The following GRIK1 variants were observed in gnomAD, a reference collection of about 807,000 sequenced individuals.
The protein encoded by GRIK1 is glutamate ionotropic receptor kainate type subunit 1, also known as glutamate receptor ionotropic, kainate 1.
In GRIK1, 69 loss-of-function variants were observed where a neutral mutation model predicts 105.7. The ratio of observed to expected loss-of-function variants is 0.65; its 90% CI spans 0.54 to 0.80. GRIK1 has a LOEUF of 0.80. Among genes scored for constraint, GRIK1 ranks in the 30% least tolerant of loss-of-function variants. The pLI, the probability that GRIK1 is intolerant of heterozygous loss-of-function variation, is 0.00. For synonymous variants in GRIK1, 438 were observed against 431.3 expected, an observed-to-expected ratio of 1.02 and a Z score of -0.19; for missense variants, 1,109 against 1,167.3, an observed-to-expected ratio of 0.95 and a Z score of 0.73.
chr21:29,846,255 G>A (rs1432313054), intron 1 of GRIK1, among the ~76,000 whole-genome samples: 5 of 151,918 alleles, frequency 3.3e-5, no homozygotes, highest in South Asian at 2.1e-4. Context: ...CGGGCGCGTG[G>A]CGCATGCCTG....
intron 1 of GRIK1, among the ~76,000 whole-genome samples, chr21:29,858,214 A>C (rs1216707681): frequency 6.6e-6 from 1 of 152,108 alleles, no homozygotes; most frequent in African/African-American, 2.4e-5. Context: ...TTCAATTTTT[A>C]GAGAAAATAA....
chr21:29,772,797 C>T (rs994890198), intron 1 of GRIK1, among the ~76,000 whole-genome samples: 1 of 152,250 alleles, frequency 6.6e-6, no homozygotes, highest in African/African-American at 2.4e-5. Context: ...TTTTCTTCAC[C>T]ACTTAATGGT....
chr21:29,921,208 GA>G (rs10715744), intron 1 of GRIK1, among the ~76,000 whole-genome samples: 38,705 of 149,392 alleles, frequency 0.26, 6,255 homozygotes, highest in African/African-American at 0.47. Flanking sequence ...TCCCCTGGAA[GA>G]AAAAAAAAAT....
At chr21:29,543,210 A>AT (rs2089998192) in intron 16 of GRIK1, among the ~76,000 whole-genome samples, 1 of 152,008 alleles carries the variant, frequency 6.6e-6, no homozygotes, top group Non-Finnish European at 1.5e-5. Context: ...CTTCCTTAAC[A>AT]TTTTTTAACT....
intron 1 of GRIK1, among the ~76,000 whole-genome samples, chr21:29,779,775 T>C (rs1180793940): frequency 6.6e-6 from 1 of 152,212 alleles, no homozygotes; most frequent in African/African-American, 2.4e-5. Flanking sequence ...TAATATCGTT[T>C]TAAAGATGTG....
chr21:29,766,377 G>C (rs189689792), intron 1 of GRIK1, among the ~76,000 whole-genome samples: 1 of 152,148 alleles, frequency 6.6e-6, no homozygotes. Context: ...GTAGAGGCCA[G>C]GGTGTTGCTA....
rs533530790 is a variant in GRIK1 at position 29,681,896 on chromosome 21, T to C, written c.544+7832A>G. 9.9e-5 allele frequency among the ~76,000 whole-genome samples: 15 copies of C among 152,272 alleles called. No homozygotes were observed. In the East Asian group the frequency reaches 2.5e-3, roughly 25 times the overall value. ...TGAAGAAACAGATGATCTACCAGGG[T>C]GGCATCACGATGGGACAGTGCAGTG... is the stretch of plus-strand genomic sequence containing the variant. On this transcript the variant is annotated intron_variant, in intron 3 of 17. Transcript: ENST00000327783.
intron 1 of GRIK1, among the ~76,000 whole-genome samples, chr21:29,770,187 A>G (rs2065779741): frequency 6.6e-6 from 1 of 152,200 alleles, no homozygotes; most frequent in African/African-American, 2.4e-5. Flanking sequence ...CGCGTTTTAA[A>G]TTTATGGTCC....
chr21:29,813,963 G>A (rs1337330511), intron 1 of GRIK1, among the ~76,000 whole-genome samples: 1 of 143,530 alleles, frequency 7.0e-6, no homozygotes, highest in Non-Finnish European at 1.5e-5. Flanking sequence ...TGCCTAGGCT[G>A]GAGTGCAGTG....
rs3054331 is a variant in GRIK1 at position 29,656,354 on chromosome 21, CAAAAAAAAAAAAAAAAAA to C, written c.727-1509_727-1492del. 4.1e-4 allele frequency among the ~76,000 whole-genome samples: 21 copies of C among 51,174 alleles called. 1 individual carries two copies. Among genetic ancestry groups the C allele is most frequent in the South Asian group, 9.2e-4 (1 of 1,084 alleles). The allele number at this position is 51,174 out of a possible 152,430, so 33.6% of individuals were successfully genotyped here. ...CCAGCCTGGGGGCCAGAGCGAGACT[CAAAAAAAAAAAAAAAAAA>C]AAAAAAAAAAAAAAAAAGAAATGAA... On this transcript the variant is annotated intron_variant, in intron 4 of 17. Transcript: ENST00000327783.
At chr21:29,668,649 G>A (rs977515560) in intron 4 of GRIK1, among the ~76,000 whole-genome samples, 18 of 152,296 alleles carry the variant, frequency 1.2e-4, no homozygotes, top group African/African-American at 4.3e-4. Flanking sequence ...CATATTAAAA[G>A]TTATTTGGTC....
intron 4 of GRIK1, among the ~76,000 whole-genome samples, chr21:29,665,266 A>G (rs1401704624): frequency 6.6e-6 from 1 of 152,210 alleles, no homozygotes; most frequent in East Asian, 1.9e-4. Flanking sequence ...ACAAAGGTCA[A>G]TTAATTCTTG....
intron 1 of GRIK1, among the ~76,000 whole-genome samples, chr21:29,746,114 A>T (rs1468313922): frequency 1.3e-5 from 2 of 152,162 alleles, no homozygotes; most frequent in African/African-American, 4.8e-5. Flanking sequence ...AAAAATAAAA[A>T]AAAAATAAAA....
chr21:29,873,357 T>C (rs545704281), intron 1 of GRIK1, among the ~76,000 whole-genome samples: 18 of 152,292 alleles, frequency 1.2e-4, no homozygotes, highest in Admixed American at 1.0e-3. Context: ...CATTTCTGTG[T>C]TTAAGAGTTC....
At chr21:29,872,832 C>A (rs1416795288) in intron 1 of GRIK1, among the ~76,000 whole-genome samples, 7 of 152,264 alleles carry the variant, frequency 4.6e-5, no homozygotes, top group Middle Eastern at 3.4e-3. Context: ...AATTACCCCC[C>A]ACTGGGTCCC....
At chr21:29,639,563 G>T (rs544536966) in intron 7 of GRIK1, among the ~76,000 whole-genome samples, 139 of 152,318 alleles carry the variant, frequency 9.1e-4, no homozygotes, top group African/African-American at 3.1e-3. Context: ...GCTGCAGATG[G>T]AGCAGGAGAT....
At chr21:29,758,506 T>G (rs753914827) in intron 1 of GRIK1, among the ~76,000 whole-genome samples, 7 of 152,130 alleles carry the variant, frequency 4.6e-5, no homozygotes, top group Non-Finnish European at 8.8e-5. Flanking sequence ...ATTACCTCCA[T>G]TGGGTCCCTC....
chr21:29,828,319 G>T (rs551798949), intron 1 of GRIK1, among the ~76,000 whole-genome samples: 16 of 151,828 alleles, frequency 1.1e-4, no homozygotes, highest in Admixed American at 1.1e-3. Flanking sequence ...CATTTATACC[G>T]AAAAACCTTA....
At chr21:29,811,297 A>G (rs1458108042) in intron 1 of GRIK1, among the ~76,000 whole-genome samples, 1 of 152,108 alleles carries the variant, frequency 6.6e-6, no homozygotes, top group Non-Finnish European at 1.5e-5. Context: ...AGTTTAAATT[A>G]TATTTTCACT....
Sources: gnomAD v4.1 joint callset for allele counts (sites outside exome capture counted in the v4.1 genomes callset) on GRCh38, gnomAD v4.1.1 for gene constraint, MANE v1.5 for transcripts, NCBI Gene and HGNC (gene_info 2026-07-23, HGNC 2026-07-21) for gene names.